The following RREB1 variants were observed in gnomAD, a reference collection of about 807,000 sequenced individuals.
RREB1 encodes ras-responsive element-binding protein 1.
In RREB1, 27 loss-of-function variants were observed where a neutral mutation model predicts 117.8. The observed-to-expected ratio is 0.23, with a 90% CI of 0.17 to 0.32. The LOEUF is 0.32. RREB1 is among the 10% of genes least tolerant of loss of function. The probability of loss-of-function intolerance (pLI) is 1.00; values close to 1 mark genes in which losing one functional copy is unlikely to be tolerated. For synonymous variants in RREB1, 1,298 were observed against 1,026.7 expected, an observed-to-expected ratio of 1.26 and a Z score of -5.05; for missense variants, 2,577 against 2,378.2, an observed-to-expected ratio of 1.08 and a Z score of -1.74.
At chr6:7,108,294 C>T (rs1440895677) in intron 1 of RREB1, among the ~76,000 whole-genome samples, 1 of 151,348 alleles carries the variant, frequency 6.6e-6, no homozygotes, top group African/African-American at 2.4e-5. Context: ...AGCCCTCTCC[C>T]CTCGGGCTGC....
At chr6:7,138,366 T>C (rs1400701383) in intron 1 of RREB1, among the ~76,000 whole-genome samples, 1 of 152,182 alleles carries the variant, frequency 6.6e-6, no homozygotes, top group African/African-American at 2.4e-5. Context: ...AACTGTTACG[T>C]TGAACATTTT....
chr6:7,239,753 G>A (rs1362600572), intron 10 of RREB1, among the ~76,000 whole-genome samples: 3 of 152,334 alleles, frequency 2.0e-5, no homozygotes, highest in Non-Finnish European at 2.9e-5. Flanking sequence ...TGGAGCAGGG[G>A]GAACAAAGAA....
rs750023824 is a variant in RREB1 at position 7,226,471 on chromosome 6, G to A, written c.712G>A (p.Asp238Asn). ...ETHSDNPLRC[D>N]ICCVTFRTHR... ...GTTCTCCCTTTCCTCTCCTAGATGT[G>A]ACATTTGTTGTGTCACCTTTCGAAC... is the stretch of plus-strand genomic sequence containing the variant. The change falls in exon 9 of 13, where the codon GAC becomes AAC. Residue 238 changes from aspartate (D) to asparagine (N), a missense_variant. Transcript: ENST00000379938. The A allele has an allele frequency of 6.2e-7, 1 of 1,609,852 alleles. No homozygotes were observed. The highest frequency in any genetic ancestry group is 1.7e-5 in the Admixed American group (1 of 59,590).
chr6:7,194,348 G>C (rs1765565024), intron 6 of RREB1, among the ~76,000 whole-genome samples: 1 of 152,092 alleles, frequency 6.6e-6, no homozygotes, highest in Non-Finnish European at 1.5e-5. Flanking sequence ...CCAGGAGTTT[G>C]AGACCAGCCT....
chr6:7,218,934 A>C (rs1374362120), intron 8 of RREB1: 3 of 151,786 alleles, frequency 2.0e-5, no homozygotes, highest in South Asian at 2.1e-4. Context: ...TGTAGCACAG[A>C]CAGCCATTAA....
At chr6:7,209,260 A>G (rs564439353) in intron 6 of RREB1, among the ~76,000 whole-genome samples, 134 of 152,320 alleles carry the variant, frequency 8.8e-4, no homozygotes, top group Admixed American at 3.1e-3. Flanking sequence ...GGATTTTGTT[A>G]ATTAAAATTA....
Position 7,230,959 on chromosome 6 carries a change from A to C in RREB1, c.2860A>C (p.Ser954Arg). Residue 954 changes from serine to arginine, a missense_variant, in exon 10 of 13, where the codon AGC (serine) becomes CGC (arginine). Transcript: ENST00000379938. ...RKGDKDLATP[S>R]EAKKPEEEAG... ...AGGGGACAAGGATTTGGCCACTCCC[A>C]GCGAAGCCAAGAAGCCTGAGGAGGA... 1 of 1,614,044 alleles carries C rather than the reference A, an allele frequency of 6.2e-7. No individual in the cohort carries two copies. Among genetic ancestry groups the C allele is most frequent in the South Asian group, 1.1e-5 (1 of 91,060 alleles).
At position 7,229,774 on chromosome 6, in the gene RREB1, A is replaced by G. The variant is rs376347521; in HGVS notation, c.1675A>G (p.Asn559Asp). ...LLKGSVEAAS[N>D]AHLLQSKSGT... The stretch of plus-strand genomic sequence containing the variant: ...CAAAGGCTCAGTGGAGGCGGCCTCC[A>G]ACGCCCACCTGCTGCAGTCCAAGTC... Residue 559 changes from asparagine (N) to aspartate (D), a missense_variant, in exon 10 of 13, where the codon AAC (asparagine) becomes GAC (aspartate). Physicochemically the swap from Asn to Asp is conservative, Grantham distance 23. Coordinates refer to ENST00000379938, the MANE Select transcript of RREB1 (RefSeq NM_001003699.4). The surrounding 1 kb of genome is among the most constrained non-coding windows in gnomAD (Gnocchi z 4.5). 32 of 1,606,512 alleles carry G rather than the reference A, an allele frequency of 2.0e-5. No individual in the cohort carries two copies. Among genetic ancestry groups the G allele is most frequent in the Non-Finnish European group, 2.6e-5 (31 of 1,175,412 alleles).
intron 1 of RREB1, among the ~76,000 whole-genome samples, chr6:7,157,102 C>A (rs973678236): frequency 6.6e-6 from 1 of 152,110 alleles, no homozygotes; most frequent in African/African-American, 2.4e-5. Context: ...TAGTATAAGA[C>A]CCGACTGCCC....
chr6:7,134,050 G>A (rs1383606421), intron 1 of RREB1, among the ~76,000 whole-genome samples: 1 of 152,178 alleles, frequency 6.6e-6, no homozygotes, highest in Non-Finnish European at 1.5e-5. Flanking sequence ...CAGGGTCATA[G>A]GCTAATGTTA....
chr6:7,137,119 C>T (rs528926322), intron 1 of RREB1, among the ~76,000 whole-genome samples: 1 of 152,338 alleles, frequency 6.6e-6, no homozygotes, highest in African/African-American at 2.4e-5. Flanking sequence ...CTCCCCAAAG[C>T]CCAGAGCTAA....
At chr6:7,111,743 C>T (rs1339953458) in intron 1 of RREB1, among the ~76,000 whole-genome samples, 2 of 152,144 alleles carry the variant, frequency 1.3e-5, no homozygotes, top group Admixed American at 1.3e-4. Flanking sequence ...CTATGACCAG[C>T]CTTGTGGTGT....
intron 1 of RREB1, among the ~76,000 whole-genome samples, chr6:7,167,332 T>C (rs899242094): frequency 6.6e-6 from 1 of 151,800 alleles, no homozygotes; most frequent in African/African-American, 2.4e-5. Flanking sequence ...ATTGTCCAAC[T>C]TGTGGGCTGG....
At chr6:7,111,917 T>C (rs1412041548) in intron 1 of RREB1, among the ~76,000 whole-genome samples, 1 of 152,236 alleles carries the variant, frequency 6.6e-6, no homozygotes, top group African/African-American at 2.4e-5. Context: ...ATGTCTTTTA[T>C]TCCGCATGAA....
At chr6:7,211,341 T>TGGATGGAC (rs1255978288) in intron 7 of RREB1, among the ~76,000 whole-genome samples, 17 of 135,466 alleles carry the variant, frequency 1.3e-4, no homozygotes, top group African/African-American at 4.3e-4. Flanking sequence ...GATGGACAGA[T>TGGATGGAC]GGATGGATGG....
At chr6:7,207,788 C>T (rs1329739653) in intron 6 of RREB1, among the ~76,000 whole-genome samples, 1 of 152,208 alleles carries the variant, frequency 6.6e-6, no homozygotes, top group Non-Finnish European at 1.5e-5. Flanking sequence ...TACAGAAACG[C>T]AGTAGTCCTC....
rs775666143 is a variant in RREB1, at chr6:7,247,070, C to T, written c.4620C>T (p.Ser1540=). Residue 1540 remains serine, a synonymous_variant, in exon 12 of 13, where the codon TCC becomes TCT. Transcript: ENST00000379938. ...GGGAGAGCGCGGCCGAGAAAAGGTC[C>T]TCAGAGAAGAGCGACGATGACAAGA... ...SDGESAAEKR[S]SEKSDDDKKP... is the part of the protein sequence containing the mutation. 5.0e-6 allele frequency: 8 copies of T among 1,613,554 alleles called. No homozygotes were observed. The highest frequency in any genetic ancestry group is 2.7e-5 in the African/African-American group (2 of 74,920).
chr6:7,162,314 G>A (rs1329674823), intron 1 of RREB1, among the ~76,000 whole-genome samples: 1 of 152,014 alleles, frequency 6.6e-6, no homozygotes, highest in Non-Finnish European at 1.5e-5. Flanking sequence ...GAGAAACTCA[G>A]CAAATCATCT....
chr6:7,212,408 C>T (rs1461006335), intron 8 of RREB1: 1 of 152,208 alleles, frequency 6.6e-6, no homozygotes, highest in Non-Finnish European at 1.5e-5. Context: ...ACTCATCTTT[C>T]TTTCTTTACC....
Sources: gnomAD v4.1 joint callset for allele counts (sites outside exome capture counted in the v4.1 genomes callset) on GRCh38, gnomAD v4.1.1 for gene constraint, Gnocchi (gnomAD v3.1) non-coding constraint, MANE v1.5 for transcripts, NCBI Gene and HGNC (gene_info 2026-07-23, HGNC 2026-07-21) for gene names.